The following ITGA2 variants were observed in gnomAD, a reference collection of about 807,000 sequenced individuals.
The protein encoded by ITGA2 is integrin alpha-2.
In ITGA2, 101 loss-of-function variants were observed where a neutral mutation model predicts 146.3. The observed-to-expected ratio is 0.69, with a 90% CI of 0.59 to 0.81. ITGA2 has a LOEUF of 0.81. Among genes scored for constraint, ITGA2 ranks in the 40% least tolerant of loss-of-function variants. ITGA2 has a pLI of 0.00. For synonymous variants in ITGA2, 477 were observed against 487.1 expected, an observed-to-expected ratio of 0.98 and a Z score of 0.27; for missense variants, 1,281 against 1,402.7, an observed-to-expected ratio of 0.91 and a Z score of 1.39.
intron 1 of ITGA2, among the ~76,000 whole-genome samples, chr5:53,000,260 A>G (rs1405315695): frequency 6.6e-6 from 1 of 152,164 alleles, no homozygotes; most frequent in East Asian, 1.9e-4. Flanking sequence ...TTTTAAAGTG[A>G]CAATTGAGTA....
intron 1 of ITGA2, among the ~76,000 whole-genome samples, chr5:53,003,471 A>G (rs1741683410): frequency 6.6e-6 from 1 of 152,098 alleles, no homozygotes; most frequent in Admixed American, 6.5e-5. Flanking sequence ...AGTCTCTCAC[A>G]TACTGTTAGA....
At chr5:53,065,259 C>T in intron 14 of ITGA2, 144 bp downstream of exon 14, 1 of 837,314 alleles carries the variant, frequency 1.2e-6, no homozygotes, top group African/African-American at 1.7e-5. Flanking sequence ...TGAGCCTCTA[C>T]TGTGTGCCCA....
At chr5:53,078,228 C>T (rs959943987) in intron 23 of ITGA2, among the ~76,000 whole-genome samples, 3 of 152,088 alleles carry the variant, frequency 2.0e-5, no homozygotes, top group Non-Finnish European at 2.9e-5. Flanking sequence ...ACAGATTTGA[C>T]CAACCTCATT....
intron 2 of ITGA2, among the ~76,000 whole-genome samples, chr5:53,034,996 T>C (rs1488745299): frequency 6.6e-6 from 1 of 152,156 alleles, no homozygotes; most frequent in Non-Finnish European, 1.5e-5. Context: ...AAAACATAAA[T>C]AGTTATACAC....
chr5:53,015,860 A>G (rs1742378171), intron 1 of ITGA2, among the ~76,000 whole-genome samples: 1 of 151,686 alleles, frequency 6.6e-6, no homozygotes, highest in Non-Finnish European at 1.5e-5. Flanking sequence ...GTCCTTTCTG[A>G]TTGTTGTTGG....
rs1175067104 is a variant in ITGA2 at position 53,039,739 on chromosome 5, CAAAAAAA to C, written c.186-2354_186-2348del. Among the ~76,000 whole-genome samples, 18 of 33,282 alleles carry C rather than the reference CAAAAAAA, an allele frequency of 5.4e-4. 1 individual carries two copies. Among genetic ancestry groups the C allele is most frequent in the African/African-American group, 2.1e-3 (16 of 7,602 alleles). The allele number at this position is 33,282 out of a possible 152,430, so 21.8% of individuals were successfully genotyped here. ...TAGGCAACAGAGTGAGACTCCATCT[CAAAAAAA>C]AAAAAAAAAAAAAAAAAAGTAAGGA... On this transcript the variant is annotated intron_variant, in intron 2 of 29. Coordinates refer to ENST00000296585, the MANE Select transcript of ITGA2 (RefSeq NM_002203.4).
Position 53,067,121 on chromosome 5 carries a change from A to T in ITGA2, c.1947A>T (p.Ser649=). The T allele has an allele frequency of 6.2e-7, 1 of 1,610,404 alleles. No homozygotes were observed. Residue 649 remains serine (S), a synonymous_variant, in exon 16 of 30, where the codon TCA becomes TCT. Coordinates refer to ENST00000296585, the MANE Select transcript of ITGA2 (RefSeq NM_002203.4). The part of the protein sequence containing the change: ...GAFGQVVQLW[S]QSIADVAIEA... Reference sequence around the variant, plus strand: ...TGTTACTCTTTATGTCTTTTAGGTCACAAAGTATTGCTGATGTAGCTATAG... The same window carrying T: ...TGTTACTCTTTATGTCTTTTAGGTCTCAAAGTATTGCTGATGTAGCTATAG...
Position 53,046,975 on chromosome 5 carries a change from AG to A in ITGA2, c.388-1387del, listed in dbSNP as rs376323277. On this transcript the variant is annotated intron_variant, in intron 4 of 29. Transcript: ENST00000296585. ...TCTTTTTCAAAGTGATTTTAAAAAA[AG>A]CTTAGGAATGGGGATATAGAAACCA... Among the ~76,000 whole-genome samples, 186 of 152,300 alleles carry A rather than the reference AG, an allele frequency of 1.2e-3. 1 individual carries two copies. In the South Asian group the frequency reaches 0.027, roughly 22 times the overall value.
rs191616009 is a variant in ITGA2, at chr5:53,072,695, A to G, written c.2429A>G (p.Gln810Arg). Residue 810 changes from glutamine to arginine, a missense_variant and splice_region_variant, in exon 19 of 30, where the codon CAA becomes CGA. Transcript: ENST00000296585. ...GATGTCCGACAAATACCAGCTGCTCAGTAAGTTTTACTTTAAAGCTTGTTG... is the reference window on the plus strand; with the variant it reads ...GATGTCCGACAAATACCAGCTGCTCGGTAAGTTTTACTTTAAAGCTTGTTG... ...VLDVRQIPAA[Q>R]EQPFIVSNQN... 1.2e-4 allele frequency: 199 copies of G among 1,605,668 alleles called. No homozygotes were observed. The East Asian group carries it at 3.0e-3, about 24-fold the overall frequency.
At chr5:53,049,924 A>G (rs1488232593) in intron 6 of ITGA2, among the ~76,000 whole-genome samples, 2 of 152,192 alleles carry the variant, frequency 1.3e-5, no homozygotes, top group Non-Finnish European at 2.9e-5. Flanking sequence ...CCTGTTCACT[A>G]TTATAACATG....
chr5:53,076,634 T>A (rs1745675322), intron 23 of ITGA2, among the ~76,000 whole-genome samples: 1 of 152,062 alleles, frequency 6.6e-6, no homozygotes, highest in Non-Finnish European at 1.5e-5. Context: ...CTTCTAAATA[T>A]TTTTTGTCAA....
At chr5:53,020,829 G>A (rs1002657722) in intron 1 of ITGA2, among the ~76,000 whole-genome samples, 4 of 150,244 alleles carry the variant, frequency 2.7e-5, no homozygotes, top group Non-Finnish European at 4.4e-5. Context: ...CTACAGGTAT[G>A]TGCCACCATG....
At chr5:53,022,351 G>T (rs1234383954) in intron 1 of ITGA2, among the ~76,000 whole-genome samples, 3 of 151,986 alleles carry the variant, frequency 2.0e-5, no homozygotes, top group Admixed American at 2.0e-4. Context: ...CGTGTGAGCT[G>T]CCATGCTCAG....
In ITGA2 at chr5:53,044,443, T is replaced by A. The variant is rs3212456; in HGVS notation, c.296-558T>A. Among the ~76,000 whole-genome samples the A allele has an allele frequency of 3.2e-4, 48 of 152,096 alleles. 1 individual carries two copies. In the East Asian group the frequency reaches 9.3e-3, roughly 29 times the overall value. On this transcript the variant is annotated intron_variant, in intron 3 of 29. Coordinates refer to ENST00000296585, the MANE Select transcript of ITGA2 (RefSeq NM_002203.4). Reference sequence around the variant, plus strand: ...ATGGTATTACTAAAGAGAATTGCAATGTTCGATAACTCAAGAATGGATACA... The same window carrying A: ...ATGGTATTACTAAAGAGAATTGCAAAGTTCGATAACTCAAGAATGGATACA...
intron 1 of ITGA2, among the ~76,000 whole-genome samples, chr5:53,013,736 A>C (rs1459439605): frequency 6.6e-6 from 1 of 152,202 alleles, no homozygotes; most frequent in African/African-American, 2.4e-5. Context: ...CCTAGCCACA[A>C]GCATGAAATG....
Position 53,056,159 on chromosome 5 carries a change from A to AG in ITGA2, c.1096+10_1096+11insG. ...ATTTTCAGCATTGAAGGTAAAAAAA[A>AG]TAACCTCCTTTCAAGAATTTTCTTC... is the stretch of plus-strand genomic sequence containing the variant. On this transcript the variant is annotated intron_variant, in intron 9 of 29. Coordinates refer to ENST00000296585, the MANE Select transcript of ITGA2 (RefSeq NM_002203.4). 6.2e-7 allele frequency: 1 copy of AG among 1,608,874 alleles called. No homozygotes were observed. Among genetic ancestry groups the AG allele is most frequent in the South Asian group, 1.1e-5 (1 of 90,578 alleles).
intron 1 of ITGA2, among the ~76,000 whole-genome samples, chr5:53,002,220 A>G (rs1741619044): frequency 1.3e-5 from 2 of 152,032 alleles, no homozygotes; most frequent in Non-Finnish European, 2.9e-5. Flanking sequence ...AATAAATTCA[A>G]CTCACTTTTT....
intron 2 of ITGA2, among the ~76,000 whole-genome samples, chr5:53,035,263 G>A (rs550708500): frequency 6.6e-6 from 1 of 152,186 alleles, no homozygotes; most frequent in Non-Finnish European, 1.5e-5. Context: ...TTTAGGGTTA[G>A]TATTTTAGCT....
chr5:52,994,167 C>T (rs753007547), intron 1 of ITGA2, among the ~76,000 whole-genome samples: 2 of 152,124 alleles, frequency 1.3e-5, no homozygotes, highest in Non-Finnish European at 2.9e-5. Context: ...AAGGTATCTA[C>T]TTTATGTAAG....
Sources: allele counts gnomAD v4.1 joint callset (sites outside exome capture counted in the v4.1 genomes callset), GRCh38; gene constraint gnomAD v4.1.1; transcripts MANE v1.5; gene names NCBI Gene and HGNC (gene_info 2026-07-23, HGNC 2026-07-21).